Variants in STPG2 observed in about 807,000 individuals in gnomAD.
STPG2 encodes the protein sperm-tail PG-rich repeat-containing protein 2.
STPG2 carries 56 observed loss-of-function variants against 54.2 expected under a neutral mutation model. The observed-to-expected ratio is 1.03, with a 90% CI of 0.83 to 1.29. STPG2 has a LOEUF of 1.29. Ranked by LOEUF, STPG2 falls within the 50% of genes most tolerant of loss-of-function variation. The pLI, the probability that STPG2 is intolerant of heterozygous loss-of-function variation, is 0.00. For synonymous variants in STPG2, 200 were observed against 181.8 expected (o/e 1.10, Z -0.81); for missense variants, 596 against 544.9 (o/e 1.09, Z -0.93).
Position 97,559,046 on chromosome 4 carries a change from C to A in STPG2, c.*12G>T. On this transcript the variant is annotated 3_prime_UTR_variant, in exon 11 of 11. Transcript: ENST00000295268. ...ATGAAGTTGTTTTTTAAGTTTTTGCCATAAATTTATGTCACATTATATCAG... is the reference window on the plus strand; with the variant it reads ...ATGAAGTTGTTTTTTAAGTTTTTGCAATAAATTTATGTCACATTATATCAG... The A allele has an allele frequency of 6.3e-7, 1 of 1,585,730 alleles. No homozygotes were observed. The highest frequency in any genetic ancestry group is 1.2e-5 in the South Asian group (1 of 85,172).
chr4:97,781,924 G>T (rs1726640978), intron 9 of STPG2, among the ~76,000 whole-genome samples: 1 of 152,120 alleles, frequency 6.6e-6, no homozygotes, highest in South Asian at 2.1e-4. Flanking sequence ...GTATTGATAG[G>T]CCGTATCTTA....
At chr4:98,032,584 C>A (rs764790092) in intron 5 of STPG2, among the ~76,000 whole-genome samples, 7 of 152,072 alleles carry the variant, frequency 4.6e-5, no homozygotes, top group Admixed American at 1.3e-4. Context: ...ACTTCCGGAC[C>A]AAGCAGACCT....
intron 9 of STPG2, among the ~76,000 whole-genome samples, chr4:97,808,368 T>C (rs753768893): frequency 1.3e-5 from 2 of 151,962 alleles, no homozygotes; most frequent in Non-Finnish European, 2.9e-5. Context: ...TCTGGCATTA[T>C]TGAGGAATAA....
At chr4:97,926,738 T>G (rs1278104064) in intron 8 of STPG2, among the ~76,000 whole-genome samples, 2 of 152,112 alleles carry the variant, frequency 1.3e-5, no homozygotes, top group Admixed American at 1.3e-4. Context: ...TTTTAACATG[T>G]TCTTCATTAA....
At chr4:97,698,780 C>T (rs1309414607) in intron 10 of STPG2, among the ~76,000 whole-genome samples, 2 of 152,152 alleles carry the variant, frequency 1.3e-5, no homozygotes, top group African/African-American at 2.4e-5. Flanking sequence ...GTAATTGTGA[C>T]TTCAAAAGGC....
chr4:98,114,761 T>TGTG (rs1165767919), intron 3 of STPG2, among the ~76,000 whole-genome samples: 37 of 103,964 alleles, frequency 3.6e-4, no homozygotes, highest in African/African-American at 8.9e-4. Flanking sequence ...CCATTTTTTT[T>TGTG]TTTTTGTGTG....
At chr4:97,784,506 G>C (rs1273857155) in intron 9 of STPG2, among the ~76,000 whole-genome samples, 1 of 151,810 alleles carries the variant, frequency 6.6e-6, no homozygotes, top group Non-Finnish European at 1.5e-5. Context: ...CCAAGATACA[G>C]TGCCAAAAAA....
chr4:97,629,923 A>G (rs575654971), intron 10 of STPG2, among the ~76,000 whole-genome samples: 2 of 152,100 alleles, frequency 1.3e-5, no homozygotes, highest in East Asian at 3.9e-4. Context: ...TGTGAAACTG[A>G]TATGCCCATT....
intron 5 of STPG2, among the ~76,000 whole-genome samples, chr4:98,099,870 G>A (rs1160424964): frequency 6.6e-6 from 1 of 151,982 alleles, no homozygotes; most frequent in African/African-American, 2.4e-5. Flanking sequence ...CAACTGACCT[G>A]TACATTTTAA....
intron 9 of STPG2, among the ~76,000 whole-genome samples, chr4:97,828,222 T>G (rs1728325944): frequency 6.6e-6 from 1 of 152,002 alleles, no homozygotes; most frequent in South Asian, 2.1e-4. Context: ...GGACAGTGGG[T>G]GCAGCCCATG....
intron 8 of STPG2, among the ~76,000 whole-genome samples, chr4:97,943,415 C>T (rs1293601032): frequency 6.6e-6 from 1 of 152,094 alleles, no homozygotes; most frequent in East Asian, 1.9e-4. Context: ...TCACTGTTTT[C>T]AATTTACTCA....
At chr4:97,534,541 T>TC (rs1163436357) in intron 4 of STPG2, among the ~76,000 whole-genome samples, 1 of 152,162 alleles carries the variant, frequency 6.6e-6, no homozygotes, top group East Asian at 1.9e-4. Context: ...ACTTTTTTTT[T>TC]CCCATGGAAT....
chr4:97,597,963 G>A (rs1733343115), intron 10 of STPG2, among the ~76,000 whole-genome samples: 1 of 151,700 alleles, frequency 6.6e-6, no homozygotes, highest in African/African-American at 2.4e-5. Flanking sequence ...CAGATGATAT[G>A]ATTCTATACC....
At chr4:98,071,888 A>G (rs1449940559) in intron 5 of STPG2, among the ~76,000 whole-genome samples, 1 of 152,230 alleles carries the variant, frequency 6.6e-6, no homozygotes, top group Non-Finnish European at 1.5e-5. Flanking sequence ...AATGGCAATC[A>G]TTAAAAAGTC....
chr4:98,133,309 T>C (rs1740050298), intron 2 of STPG2, among the ~76,000 whole-genome samples: 2 of 152,036 alleles, frequency 1.3e-5, no homozygotes, highest in African/African-American at 2.4e-5. Context: ...ATGATAACAG[T>C]GGCTGGCATT....
intron 9 of STPG2, among the ~76,000 whole-genome samples, chr4:97,751,270 AT>A (rs1725574198): frequency 6.6e-6 from 1 of 151,690 alleles, no homozygotes; most frequent in Admixed American, 6.6e-5. Flanking sequence ...CTTTTTGCTG[AT>A]TTTAGTCGAT....
intron 10 of STPG2, among the ~76,000 whole-genome samples, chr4:97,616,889 T>C (rs1433157661): frequency 6.6e-6 from 1 of 152,142 alleles, no homozygotes; most frequent in African/African-American, 2.4e-5. Context: ...AAAATGATTT[T>C]GTTTTCAGGA....
intron 4 of STPG2, among the ~76,000 whole-genome samples, chr4:97,496,728 T>A (rs749244274): frequency 6.6e-6 from 1 of 151,742 alleles, no homozygotes; most frequent in East Asian, 1.9e-4. Flanking sequence ...AATATGTGTA[T>A]CCCGGCAGTG....
chr4:97,563,078 C>G (rs901982459), intron 10 of STPG2, among the ~76,000 whole-genome samples: 4 of 152,058 alleles, frequency 2.6e-5, no homozygotes, highest in Non-Finnish European at 5.9e-5. Flanking sequence ...GTCCTGGACT[C>G]TTTTTGTTTG....
Sources: gnomAD v4.1 joint callset for allele counts (sites outside exome capture counted in the v4.1 genomes callset) on GRCh38, gnomAD v4.1.1 for gene constraint, MANE v1.5 for transcripts, NCBI Gene and HGNC (gene_info 2026-07-23, HGNC 2026-07-21) for gene names.